RORB: variants seen among roughly 807,000 people sequenced by gnomAD.
The protein encoded by RORB is nuclear receptor ROR-beta.
RORB carries 6 observed loss-of-function variants against 59.1 expected under a neutral mutation model. That is an observed-to-expected ratio of 0.10 (90% CI 0.06 to 0.20). RORB has a LOEUF of 0.20. Ranked by LOEUF, RORB falls within the 10% of genes least tolerant of loss-of-function variation. RORB has a pLI of 1.00. For synonymous variants in RORB, 215 were observed against 204.5 expected, an observed-to-expected ratio of 1.05 and a Z score of -0.44; for missense variants, 320 against 560.5, an observed-to-expected ratio of 0.57 and a Z score of 4.33.
intron 1 of RORB, among the ~76,000 whole-genome samples, chr9:74,557,644 A>T (rs1290707848): frequency 6.6e-6 from 1 of 152,118 alleles, no homozygotes; most frequent in Non-Finnish European, 1.5e-5. Context: ...CTTTTACAGA[A>T]GATCCCACTA....
intron 7 of RORB, among the ~76,000 whole-genome samples, chr9:74,666,242 G>A (rs774729435): frequency 1.3e-5 from 2 of 152,042 alleles, no homozygotes; most frequent in African/African-American, 4.8e-5. Flanking sequence ...AGCTGAGATA[G>A]TTCCACTGCA....
intron 1 of RORB, among the ~76,000 whole-genome samples, chr9:74,573,972 C>A (rs1338898760): frequency 2.0e-5 from 3 of 152,190 alleles, no homozygotes; most frequent in Non-Finnish European, 4.4e-5. Context: ...GCTAGAGGCA[C>A]CCTCTCGGAA....
At chr9:74,591,019 T>C (rs1822881858) in intron 1 of RORB, among the ~76,000 whole-genome samples, 1 of 152,086 alleles carries the variant, frequency 6.6e-6, no homozygotes, top group Admixed American at 6.6e-5. Context: ...ATAGTCCCGA[T>C]CTCCTGACCT....
intron 6 of RORB, among the ~76,000 whole-genome samples, chr9:74,664,112 T>A (rs148457315): frequency 1.1e-4 from 17 of 152,206 alleles, no homozygotes; most frequent in Admixed American, 7.2e-4. Flanking sequence ...CCACACTTGA[T>A]ATGTGACCTT....
intron 1 of RORB, among the ~76,000 whole-genome samples, chr9:74,521,865 A>G (rs543016393): frequency 6.6e-6 from 1 of 151,944 alleles, no homozygotes; most frequent in African/African-American, 2.4e-5. Context: ...TAGCCTCTTT[A>G]GATGGTTCAC....
intron 4 of RORB, among the ~76,000 whole-genome samples, chr9:74,657,209 C>CT (rs1408064432): frequency 6.6e-6 from 1 of 151,468 alleles, no homozygotes; most frequent in African/African-American, 2.4e-5. Flanking sequence ...CCATGCCCAG[C>CT]TAATTTATTT....
At chr9:74,509,954 G>A (rs1295731112) in intron 1 of RORB, among the ~76,000 whole-genome samples, 1 of 152,090 alleles carries the variant, frequency 6.6e-6, no homozygotes, top group African/African-American at 2.4e-5. Context: ...CATTTTGGCT[G>A]AAACATAATA....
chr9:74,619,666 G>A (rs1482193384), intron 1 of RORB, among the ~76,000 whole-genome samples: 1 of 151,982 alleles, frequency 6.6e-6, no homozygotes, highest in East Asian at 1.9e-4. Context: ...TGGTCAGGCT[G>A]GTTTCATACT....
intron 1 of RORB, among the ~76,000 whole-genome samples, chr9:74,576,004 A>T (rs1223178109): frequency 6.6e-6 from 1 of 152,138 alleles, no homozygotes; most frequent in Non-Finnish European, 1.5e-5. Context: ...CTCGAAGCCA[A>T]ACCAAAGGAG....
intron 1 of RORB, among the ~76,000 whole-genome samples, chr9:74,616,360 G>A (rs1823312773): frequency 6.6e-6 from 1 of 152,052 alleles, no homozygotes; most frequent in South Asian, 2.1e-4. Flanking sequence ...ACACTGCATT[G>A]TTCAAAAAAG....
chr9:74,507,542 G>GA (rs1825886534), intron 1 of RORB, among the ~76,000 whole-genome samples: 1 of 152,018 alleles, frequency 6.6e-6, no homozygotes, highest in African/African-American at 2.4e-5. Flanking sequence ...GCATTAGTAT[G>GA]AAAACTCATA....
At chr9:74,542,180 T>C (rs1026797613) in intron 1 of RORB, among the ~76,000 whole-genome samples, 1 of 151,860 alleles carries the variant, frequency 6.6e-6, no homozygotes, top group African/African-American at 2.4e-5. Flanking sequence ...GTAAACAAAA[T>C]ACCCTAACTG....
At chr9:74,653,374 T>G (rs1301483422) in intron 4 of RORB, among the ~76,000 whole-genome samples, 1 of 152,042 alleles carries the variant, frequency 6.6e-6, no homozygotes, top group Non-Finnish European at 1.5e-5. Flanking sequence ...GTACTCTAGA[T>G]CCTTAAGGCA....
intron 1 of RORB, among the ~76,000 whole-genome samples, chr9:74,621,297 T>A (rs1192827500): frequency 1.3e-5 from 2 of 152,202 alleles, no homozygotes; most frequent in Non-Finnish European, 2.9e-5. Flanking sequence ...TGGCAACTAA[T>A]GATTTTTTTA....
rs374737203 is a variant in RORB at position 74,676,648 on chromosome 9, T to C, written c.1224+4747T>C. Among the ~76,000 whole-genome samples the C allele has an allele frequency of 1.4e-4, 22 of 152,356 alleles. No homozygotes were observed. The East Asian group carries it at 1.9e-3, about 13-fold the overall frequency. On this transcript the variant is annotated intron_variant, in intron 9 of 9. Coordinates refer to ENST00000376896, the MANE Select transcript of RORB (RefSeq NM_006914.4). ...CATAGCTCTATGCTGATAAATCCTTTCTAATTCTCCTAGGATGTAGAGGAG... is the reference window on the plus strand; with the variant it reads ...CATAGCTCTATGCTGATAAATCCTTCCTAATTCTCCTAGGATGTAGAGGAG...
At position 74,646,429 on chromosome 9, in the gene RORB, C is replaced by G. The variant is rs186736968; in HGVS notation, c.637+3614C>G. Among the ~76,000 whole-genome samples the G allele has an allele frequency of 6.3e-3, 953 of 152,282 alleles. 7 individuals carry two copies. Among genetic ancestry groups the G allele is most frequent in the Non-Finnish European group, 9.0e-3 (613 of 68,012 alleles). On this transcript the variant is annotated intron_variant, in intron 4 of 9. Transcript: ENST00000376896. ...GAATATTAGCAGAGTCAGGAATACT[C>G]TCCCAAAAAAACAAACTTGTCTTGC...
In RORB at chr9:74,560,208, G is replaced by A. The variant is rs1174801943; in HGVS notation, c.7+62225G>A. Among the ~76,000 whole-genome samples, 9 of 152,132 alleles carry A rather than the reference G, an allele frequency of 5.9e-5. 1 individual carries two copies. In the South Asian group the frequency reaches 1.7e-3, roughly 28 times the overall value. ...AATCCATCTCTAGAAGCATCCTTTGGGTGTTTACCATACAGCTTAGTCTAC... is the reference window on the plus strand; with the variant it reads ...AATCCATCTCTAGAAGCATCCTTTGAGTGTTTACCATACAGCTTAGTCTAC... On this transcript the variant is annotated intron_variant, in intron 1 of 9. Transcript: ENST00000376896.
intron 1 of RORB, among the ~76,000 whole-genome samples, chr9:74,600,198 T>C (rs1162805917): frequency 6.6e-6 from 1 of 152,204 alleles, no homozygotes; most frequent in Non-Finnish European, 1.5e-5. Context: ...AAAAGACTAA[T>C]TCACATTCAA....
chr9:74,603,938 T>C (rs1433225931), intron 1 of RORB, among the ~76,000 whole-genome samples: 1 of 152,246 alleles, frequency 6.6e-6, no homozygotes, highest in East Asian at 1.9e-4. Flanking sequence ...GCCATCGTCC[T>C]AACTATTATG....
Sources: gnomAD v4.1 joint callset for allele counts (sites outside exome capture counted in the v4.1 genomes callset) on GRCh38, gnomAD v4.1.1 for gene constraint, MANE v1.5 for transcripts, NCBI Gene and HGNC (gene_info 2026-07-23, HGNC 2026-07-21) for gene names.